DLG2: variants seen among roughly 807,000 people sequenced by gnomAD.
DLG2 encodes disks large homolog 2.
A neutral mutation model predicts 132.5 loss-of-function variants in DLG2; 45 were observed. That is an observed-to-expected ratio of 0.34 (90% CI 0.27 to 0.44). The LOEUF (loss-of-function observed/expected upper bound fraction) is 0.44, where lower values mean the gene tolerates loss of function less well. Among genes scored for constraint, DLG2 ranks in the 20% least tolerant of loss-of-function variants. The pLI, the probability that DLG2 is intolerant of heterozygous loss-of-function variation, is 1.00. For synonymous variants in DLG2, 424 were observed against 419.6 expected (o/e 1.01, Z -0.13); for missense variants, 1,045 against 1,196.9 (o/e 0.87, Z 1.87).
chr11:83,891,132 A>G (rs1033957506), intron 15 of DLG2, among the ~76,000 whole-genome samples: 7 of 152,168 alleles, frequency 4.6e-5, no homozygotes, highest in Non-Finnish European at 8.8e-5. Context: ...TTTGGAGTCA[A>G]TATTGTATAG....
At chr11:85,062,552 A>G (rs1457416672) in intron 6 of DLG2, among the ~76,000 whole-genome samples, 1 of 151,396 alleles carries the variant, frequency 6.6e-6, no homozygotes, top group Non-Finnish European at 1.5e-5. Context: ...AAAAAAAAAA[A>G]CTGACAGGAA....
At chr11:85,000,485 G>A (rs2058111007) in intron 6 of DLG2, among the ~76,000 whole-genome samples, 1 of 152,104 alleles carries the variant, frequency 6.6e-6, no homozygotes, top group Non-Finnish European at 1.5e-5. Context: ...TAATATTTCT[G>A]AATCTCTGTT....
intron 6 of DLG2, among the ~76,000 whole-genome samples, chr11:84,714,644 TCTTTCTCTC>T (rs1565750976): frequency 2.9e-5 from 4 of 136,576 alleles, no homozygotes; most frequent in African/African-American, 1.2e-4. Flanking sequence ...TCTCTCTCTC[TCTTTCTCTC>T]TCTCTCTCTC....
At chr11:84,842,904 C>A (rs955958011) in intron 6 of DLG2, among the ~76,000 whole-genome samples, 8 of 151,742 alleles carry the variant, frequency 5.3e-5, no homozygotes, top group Non-Finnish European at 1.0e-4. Context: ...ACACACACAG[C>A]AAAAATTGGC....
chr11:84,900,879 C>T (rs1274067427), intron 6 of DLG2, among the ~76,000 whole-genome samples: 5 of 151,862 alleles, frequency 3.3e-5, no homozygotes, highest in Non-Finnish European at 7.4e-5. Flanking sequence ...AAAATGTCAA[C>T]CTCAGTATTA....
intron 3 of DLG2, among the ~76,000 whole-genome samples, chr11:85,344,550 A>T (rs182585539): frequency 1.3e-5 from 2 of 152,294 alleles, no homozygotes; most frequent in Admixed American, 1.3e-4. Flanking sequence ...CTGAACTTTT[A>T]TTCAGTAAAA....
At chr11:83,572,398 T>C (rs1438231563) in intron 19 of DLG2, among the ~76,000 whole-genome samples, 1 of 152,094 alleles carries the variant, frequency 6.6e-6, no homozygotes, top group Non-Finnish European at 1.5e-5. Context: ...TCTTAAATTT[T>C]GAGAAAAGGA....
intron 7 of DLG2, among the ~76,000 whole-genome samples, chr11:84,358,369 T>TTC: frequency 6.6e-6 from 1 of 151,538 alleles, no homozygotes; most frequent in East Asian, 1.9e-4. Flanking sequence ...CAGTATTTTT[T>TTC]TTTTTTTTTT....
At chr11:85,346,312 C>T (rs1246933022) in intron 3 of DLG2, among the ~76,000 whole-genome samples, 1 of 151,762 alleles carries the variant, frequency 6.6e-6, no homozygotes, top group Non-Finnish European at 1.5e-5. Context: ...CTCAGCCTCC[C>T]GAGTAGCTGG....
intron 7 of DLG2, among the ~76,000 whole-genome samples, chr11:84,520,807 G>T (rs570632): frequency 1 from 152,288 of 152,290 alleles, 76,143 homozygotes; most frequent in Non-Finnish European, 1. Context: ...AGCCAACAAA[G>T]GATAACCTCC....
intron 6 of DLG2, among the ~76,000 whole-genome samples, chr11:84,840,228 C>A (rs2080448106): frequency 6.6e-6 from 1 of 152,102 alleles, no homozygotes; most frequent in Admixed American, 6.6e-5. Flanking sequence ...AGCCAACAGA[C>A]ACATGAAAAA....
intron 7 of DLG2, among the ~76,000 whole-genome samples, chr11:84,505,920 T>C (rs1429951147): frequency 2.6e-5 from 4 of 152,016 alleles, no homozygotes; most frequent in African/African-American, 9.7e-5. Flanking sequence ...CCCCTAAAAA[T>C]GTCCACATTC....
intron 16 of DLG2, among the ~76,000 whole-genome samples, chr11:83,843,050 G>A (rs1461074419): frequency 6.6e-6 from 1 of 152,102 alleles, no homozygotes; most frequent in Non-Finnish European, 1.5e-5. Context: ...TTGCTCAAAA[G>A]CCTTCTAAGG....
At chr11:83,559,514 G>GT (rs1414208953) in intron 19 of DLG2, among the ~76,000 whole-genome samples, 2 of 152,186 alleles carry the variant, frequency 1.3e-5, no homozygotes, top group Middle Eastern at 3.2e-3. Flanking sequence ...TTAGGATCAG[G>GT]TTGTGGCTAG....
At chr11:83,494,988 A>T (rs915948108) in intron 21 of DLG2, among the ~76,000 whole-genome samples, 3 of 152,086 alleles carry the variant, frequency 2.0e-5, no homozygotes, top group African/African-American at 7.2e-5. Context: ...CTCCCTACTG[A>T]TCAGACCCTT....
At chr11:85,221,464 T>A (rs2074641324) in intron 4 of DLG2, among the ~76,000 whole-genome samples, 1 of 152,228 alleles carries the variant, frequency 6.6e-6, no homozygotes, top group Non-Finnish European at 1.5e-5. Flanking sequence ...AGGAAGACAC[T>A]CTCTGTTGAA....
At chr11:84,734,831 A>T (rs1565820513) in intron 6 of DLG2, among the ~76,000 whole-genome samples, 1 of 152,144 alleles carries the variant, frequency 6.6e-6, no homozygotes. Flanking sequence ...TAATTGATTG[A>T]GAGTTTTTAG....
chr11:83,723,864 T>A (rs7114714), intron 18 of DLG2, among the ~76,000 whole-genome samples: 4,721 of 150,170 alleles, frequency 0.031, 239 homozygotes, highest in African/African-American at 0.11. Flanking sequence ...TCAAAAAAAA[T>A]AAATACATAA....
At chr11:84,644,061 T>C (rs989984890) in intron 6 of DLG2, among the ~76,000 whole-genome samples, 8 of 152,172 alleles carry the variant, frequency 5.3e-5, no homozygotes, top group South Asian at 4.1e-4. Flanking sequence ...CAAACCTGCC[T>C]GTTTCTAAAT....
Sources: allele counts gnomAD v4.1 joint callset (sites outside exome capture counted in the v4.1 genomes callset), GRCh38; gene constraint gnomAD v4.1.1; transcripts MANE v1.5; gene names NCBI Gene and HGNC (gene_info 2026-07-23, HGNC 2026-07-21).